Variants in OSBPL1A observed in about 807,000 individuals in gnomAD.
The protein encoded by OSBPL1A is oxysterol-binding protein-related protein 1.
OSBPL1A carries 80 observed loss-of-function variants against 137.1 expected under a neutral mutation model. That is an observed-to-expected ratio of 0.58 (90% CI 0.49 to 0.70). The LOEUF is 0.70. OSBPL1A is among the 30% of genes least tolerant of loss of function. The probability of loss-of-function intolerance (pLI) is 0.00; values close to 1 mark genes in which losing one functional copy is unlikely to be tolerated. For synonymous variants in OSBPL1A, 365 were observed against 389.7 expected (o/e 0.94, Z 0.75); for missense variants, 970 against 1,129.4 (o/e 0.86, Z 2.02).
At chr18:24,368,097 CAATTTT>C (rs1281686767) in intron 3 of OSBPL1A, 184 bp downstream of exon 3, 4 of 386,902 alleles carry the variant, frequency 1.0e-5, no homozygotes, top group Non-Finnish European at 1.9e-5. Flanking sequence ...ATTAAACATA[CAATTTT>C]AATTAATCAG....
At chr18:24,315,738 TA>T (rs1443288048) in intron 11 of OSBPL1A, among the ~76,000 whole-genome samples, 72 of 120,538 alleles carry the variant, frequency 6.0e-4, no homozygotes, top group South Asian at 5.9e-3. Flanking sequence ...TATTATATAA[TA>T]AAATATATAA....
chr18:24,384,913 TAATC>T lies in OSBPL1A; in HGVS notation c.-2-7382_-2-7379del, dbSNP rs1002518366. ...AAAAAAGAAAGAAAAAGAAAGTAGT[TAATC>T]AATAACAGTTTAAGTACAAGAAAGC... On this transcript the variant is annotated intron_variant, in intron 1 of 27. Coordinates refer to ENST00000319481, the MANE Select transcript of OSBPL1A (RefSeq NM_080597.4). 1.1e-3 allele frequency among the ~76,000 whole-genome samples: 162 copies of T among 150,576 alleles called. 3 individuals are homozygous for T. The highest frequency in any genetic ancestry group is 7.4e-5 in the Non-Finnish European group (5 of 67,692).
At chr18:24,348,508 C>G (rs1270631811) in intron 4 of OSBPL1A, among the ~76,000 whole-genome samples, 1 of 152,176 alleles carries the variant, frequency 6.6e-6, no homozygotes, top group Non-Finnish European at 1.5e-5. Context: ...CATGGTGGCT[C>G]ACGCCTATAA....
At chr18:24,321,743 G>A (rs2090864420) in intron 7 of OSBPL1A, 2 of 491,182 alleles carry the variant, frequency 4.1e-6, no homozygotes, top group Non-Finnish European at 8.3e-6. Context: ...GGTAAGAAAA[G>A]AAAAACAAAT....
intron 4 of OSBPL1A, among the ~76,000 whole-genome samples, chr18:24,359,528 C>T (rs73394371): frequency 0.018 from 2,728 of 151,522 alleles, 84 homozygotes; most frequent in African/African-American, 0.063. Context: ...CCTGTCTCTA[C>T]AAAAGATTTT....
chr18:24,204,000 T>C (rs2087295747), intron 17 of OSBPL1A, among the ~76,000 whole-genome samples: 1 of 152,236 alleles, frequency 6.6e-6, no homozygotes, highest in Non-Finnish European at 1.5e-5. Context: ...AATATTTCGA[T>C]ATATGATGTA....
intron 7 of OSBPL1A, chr18:24,321,563 A>T (rs1416407849): frequency 9.5e-6 from 4 of 419,046 alleles, no homozygotes; most frequent in Non-Finnish European, 1.9e-5. Flanking sequence ...TGCTGGGATT[A>T]CAGGTGTGAG....
intron 4 of OSBPL1A, among the ~76,000 whole-genome samples, chr18:24,354,762 A>G (rs924076955): frequency 6.6e-6 from 1 of 151,156 alleles, no homozygotes; most frequent in Non-Finnish European, 1.5e-5. Context: ...AAAAAAAAAA[A>G]AAAAAAAAAA....
At chr18:24,339,676 G>A (rs1491002947) in intron 5 of OSBPL1A, among the ~76,000 whole-genome samples, 1 of 152,210 alleles carries the variant, frequency 6.6e-6, no homozygotes, top group Admixed American at 6.5e-5. Flanking sequence ...ATTAAAGACA[G>A]TACCTCATCC....
chr18:24,175,144 A>ACG, intron 21 of OSBPL1A, among the ~76,000 whole-genome samples: 1 of 140,286 alleles, frequency 7.1e-6, no homozygotes, highest in African/African-American at 2.8e-5. Context: ...ATACACATAT[A>ACG]TATATATATA....
At chr18:24,210,482 C>T (rs1018363046) in intron 17 of OSBPL1A, among the ~76,000 whole-genome samples, 7 of 151,686 alleles carry the variant, frequency 4.6e-5, no homozygotes, top group African/African-American at 1.7e-4. Flanking sequence ...TTATTGAAGA[C>T]CCCAAAAGAG....
At chr18:24,326,524 G>A (rs1174921290) in intron 7 of OSBPL1A, among the ~76,000 whole-genome samples, 1 of 152,236 alleles carries the variant, frequency 6.6e-6, no homozygotes, top group Admixed American at 6.5e-5. Context: ...GGTCTCCTGA[G>A]TGGAGTCACG....
chr18:24,385,110 A>G (rs1906869146), intron 1 of OSBPL1A, among the ~76,000 whole-genome samples: 1 of 151,810 alleles, frequency 6.6e-6, no homozygotes, highest in Non-Finnish European at 1.5e-5. Flanking sequence ...GCCCGCCACC[A>G]CACCCGGCTA....
chr18:24,356,913 G>A (rs980223506), intron 4 of OSBPL1A, among the ~76,000 whole-genome samples: 2 of 152,236 alleles, frequency 1.3e-5, no homozygotes, highest in Admixed American at 6.5e-5. Context: ...TAGCCACTCT[G>A]CCACCTCAGG....
chr18:24,288,764 C>CA (rs10627986), intron 14 of OSBPL1A, among the ~76,000 whole-genome samples: 1,373 of 127,002 alleles, frequency 0.011, 20 homozygotes, highest in African/African-American at 0.029. Flanking sequence ...AAGACTGTCT[C>CA]AAAAAAAAAA....
At chr18:24,290,142 G>A (rs545865289) in intron 14 of OSBPL1A, among the ~76,000 whole-genome samples, 27 of 152,116 alleles carry the variant, frequency 1.8e-4, no homozygotes, top group African/African-American at 6.3e-4. Context: ...GAAAGAGCAT[G>A]GGACACTGGT....
At chr18:24,321,430 G>C (rs370220505) in intron 7 of OSBPL1A, among the ~76,000 whole-genome samples, 2 of 152,270 alleles carry the variant, frequency 1.3e-5, no homozygotes, top group South Asian at 4.1e-4. Context: ...CCTGGTAGCT[G>C]GAACTGCAGT....
intron 1 of OSBPL1A, among the ~76,000 whole-genome samples, chr18:24,381,249 CA>C (rs1263294658): frequency 1.3e-5 from 2 of 152,126 alleles, no homozygotes; most frequent in Non-Finnish European, 2.9e-5. Flanking sequence ...GAGGAAACAT[CA>C]GGGGCAAAGG....
intron 7 of OSBPL1A, among the ~76,000 whole-genome samples, chr18:24,328,302 C>T (rs1015237557): frequency 4.7e-5 from 7 of 148,182 alleles, no homozygotes; most frequent in Admixed American, 2.0e-4. Flanking sequence ...CCTCATGATC[C>T]GCCCGCCTCA....
Sources: allele counts gnomAD v4.1 joint callset (sites outside exome capture counted in the v4.1 genomes callset), GRCh38; gene constraint gnomAD v4.1.1; transcripts MANE v1.5; gene names NCBI Gene and HGNC (gene_info 2026-07-23, HGNC 2026-07-21).